The following GALNT18 variants were observed in gnomAD, a reference collection of about 807,000 sequenced individuals.
GALNT18 encodes the protein GalNAc-transferase 18.
GALNT18 carries 44 observed loss-of-function variants against 69.5 expected under a neutral mutation model. That is an observed-to-expected ratio of 0.63 (90% CI 0.50 to 0.81). The LOEUF (loss-of-function observed/expected upper bound fraction) is 0.81, where lower values mean the gene tolerates loss of function less well. GALNT18 is among the 40% of genes least tolerant of loss of function. The pLI, the probability that GALNT18 is intolerant of heterozygous loss-of-function variation, is 0.00. For missense variants in GALNT18, 715 were observed against 810.0 expected, an observed-to-expected ratio of 0.88 and a Z score of 1.42; for synonymous variants, 364 against 318.2, an observed-to-expected ratio of 1.14 and a Z score of -1.53.
At chr11:11,422,218 A>G (rs1270663469) in intron 3 of GALNT18, among the ~76,000 whole-genome samples, 1 of 152,260 alleles carries the variant, frequency 6.6e-6, no homozygotes, top group Non-Finnish European at 1.5e-5. Flanking sequence ...AGCTTGGGAA[A>G]GTGCTGCTGG....
chr11:11,452,442 G>A (rs570869760), intron 1 of GALNT18, among the ~76,000 whole-genome samples: 4 of 152,208 alleles, frequency 2.6e-5, no homozygotes, highest in African/African-American at 7.2e-5. Flanking sequence ...GCTGAAGCCC[G>A]CACAAAGCCC....
chr11:11,482,066 G>A (rs554352847), intron 1 of GALNT18, among the ~76,000 whole-genome samples: 5 of 152,282 alleles, frequency 3.3e-5, no homozygotes, highest in African/African-American at 1.2e-4. Flanking sequence ...ACTGGGCTAC[G>A]GGCCTCCTGA....
chr11:11,375,032 C>A (rs72853190), intron 5 of GALNT18, among the ~76,000 whole-genome samples: 2 of 152,166 alleles, frequency 1.3e-5, no homozygotes, highest in South Asian at 2.1e-4. Context: ...AAATTTCTCA[C>A]GTGGATTTTC....
chr11:11,522,987 G>A (rs891535991), intron 1 of GALNT18, among the ~76,000 whole-genome samples: 1 of 152,214 alleles, frequency 6.6e-6, no homozygotes, highest in African/African-American at 2.4e-5. Flanking sequence ...TAAAGTAAGA[G>A]ACTGAGCGCA....
chr11:11,362,339 C>T (rs941217377), intron 6 of GALNT18, among the ~76,000 whole-genome samples: 7 of 151,792 alleles, frequency 4.6e-5, no homozygotes, highest in African/African-American at 7.3e-5. Context: ...AGAAAAAACA[C>T]GAAAAAAGCA....
At chr11:11,520,737 G>A (rs1027436483) in intron 1 of GALNT18, among the ~76,000 whole-genome samples, 1 of 152,192 alleles carries the variant, frequency 6.6e-6, no homozygotes, top group Non-Finnish European at 1.5e-5. Context: ...AGATGGGGTG[G>A]CCTGCACAGC....
At chr11:11,310,562 A>T (rs11021780) in intron 9 of GALNT18, among the ~76,000 whole-genome samples, 2 of 151,962 alleles carry the variant, frequency 1.3e-5, no homozygotes, top group Non-Finnish European at 2.9e-5. Context: ...TCTTTTAAAA[A>T]GTGTCCTTCA....
At chr11:11,512,470 C>T (rs1328653416) in intron 1 of GALNT18, among the ~76,000 whole-genome samples, 3 of 152,230 alleles carry the variant, frequency 2.0e-5, no homozygotes, top group Non-Finnish European at 2.9e-5. Flanking sequence ...ATTCTTTATT[C>T]TGAGTGCGGC....
chr11:11,508,095 A>T (rs72865491), intron 1 of GALNT18, among the ~76,000 whole-genome samples: 3 of 152,174 alleles, frequency 2.0e-5, no homozygotes, highest in Non-Finnish European at 4.4e-5. Context: ...CCATGTTTAA[A>T]CTTTCCCAAT....
intron 3 of GALNT18, among the ~76,000 whole-genome samples, chr11:11,410,723 G>A (rs1189080435): frequency 2.0e-5 from 3 of 152,144 alleles, no homozygotes; most frequent in African/African-American, 7.2e-5. Context: ...TTAGTTGAAC[G>A]ATGGCTGTCT....
chr11:11,435,726 G>T lies in GALNT18; in HGVS notation c.429-2939C>A, dbSNP rs1409640027. Among the ~76,000 whole-genome samples the T allele has an allele frequency of 6.6e-6, 1 of 152,106 alleles. No homozygotes were observed. The highest frequency in any genetic ancestry group is 1.5e-5 in the Non-Finnish European group (1 of 68,020). ...ACGGCCTACATTTTGAGTGTCTGCC[G>T]CTGATGTCAGACTGCTCCTTTTTCT... On this transcript the variant is annotated intron_variant, in intron 2 of 10. Coordinates refer to ENST00000227756, the MANE Select transcript of GALNT18 (RefSeq NM_198516.3). The surrounding 1 kb of genome is among the most constrained non-coding windows in gnomAD (Gnocchi z 4.4).
rs1240172063 is a variant in GALNT18, at chr11:11,470,919, A to G, written c.236-21983T>C. Among the ~76,000 whole-genome samples the G allele has an allele frequency of 6.6e-6, 1 of 152,108 alleles. No individual in the cohort carries two copies. Among genetic ancestry groups the G allele is most frequent in the East Asian group, 1.9e-4 (1 of 5,188 alleles). On this transcript the variant is annotated intron_variant, in intron 1 of 10. Transcript: ENST00000227756. This position sits in a 1 kb window ranked among gnomAD's most constrained non-coding sequence, Gnocchi z 4.8. ...CCCCTCCTAAAAACCTTTGCCTGAG[A>G]ATCAAACGTCCTGCCAAATGGCTTC...
intron 6 of GALNT18, chr11:11,352,748 C>A: frequency 1.9e-6 from 3 of 1,614,142 alleles, no homozygotes; most frequent in Admixed American, 1.7e-5. Flanking sequence ...ACGTCTGGTA[C>A]AATTGCTTGA....
In GALNT18 at chr11:11,340,539, C is replaced by T. The variant is rs1330115412; in HGVS notation, c.1278+280G>A. Among the ~76,000 whole-genome samples, 1 of 152,190 alleles carries T rather than the reference C, an allele frequency of 6.6e-6. No individual in the cohort carries two copies. The highest frequency in any genetic ancestry group is 6.5e-5 in the Admixed American group (1 of 15,286). On this transcript the variant is annotated intron_variant, in intron 7 of 10. Coordinates refer to ENST00000227756, the MANE Select transcript of GALNT18 (RefSeq NM_198516.3). The surrounding 1 kb of genome is among the most constrained non-coding windows in gnomAD (Gnocchi z 4.2). Reference sequence around the variant, plus strand: ...CCTGGGAGCATGAAGGAAACTTGAGCTACCTGTCCAACTTTCTCATTTAAA... The same window carrying T: ...CCTGGGAGCATGAAGGAAACTTGAGTTACCTGTCCAACTTTCTCATTTAAA...
intron 6 of GALNT18, among the ~76,000 whole-genome samples, chr11:11,351,725 G>A (rs1170629843): frequency 6.6e-6 from 1 of 151,252 alleles, no homozygotes; most frequent in African/African-American, 2.4e-5. Flanking sequence ...GAATGACAAT[G>A]AGCTTAAATG....
rs1305755810 is a variant in GALNT18 at position 11,614,844 on chromosome 11, T to C, written c.235+6515A>G. Among the ~76,000 whole-genome samples the C allele has an allele frequency of 6.6e-6, 1 of 152,212 alleles. No homozygotes were observed. The highest frequency in any genetic ancestry group is 6.5e-5 in the Admixed American group (1 of 15,286). On this transcript the variant is annotated intron_variant, in intron 1 of 10. Transcript: ENST00000227756. This position sits in a 1 kb window ranked among gnomAD's most constrained non-coding sequence, Gnocchi z 5.6. ...TATCAAGGGAAAATAACAATTTATG[T>C]CAAGTGAGTGGGAAAGAATGTGGAA...
chr11:11,276,193 CCTCT>C (rs369592232), intron 10 of GALNT18, among the ~76,000 whole-genome samples: 3 of 152,148 alleles, frequency 2.0e-5, no homozygotes, highest in African/African-American at 7.2e-5. Flanking sequence ...TTGCTTGTGT[CCTCT>C]CTCATGTCCT....
At chr11:11,453,858 C>T (rs1440975274) in intron 1 of GALNT18, among the ~76,000 whole-genome samples, 2 of 152,162 alleles carry the variant, frequency 1.3e-5, no homozygotes, top group Admixed American at 6.5e-5. Context: ...TATAAATTAC[C>T]CAGTCTCACT....
At chr11:11,294,977 CA>C (rs1309661215) in intron 9 of GALNT18, among the ~76,000 whole-genome samples, 1 of 152,124 alleles carries the variant, frequency 6.6e-6, no homozygotes, top group Non-Finnish European at 1.5e-5. Flanking sequence ...TTGACATGTT[CA>C]AAAATTCTCA....
Sources: gnomAD v4.1 joint callset for allele counts (sites outside exome capture counted in the v4.1 genomes callset) on GRCh38, gnomAD v4.1.1 for gene constraint, Gnocchi (gnomAD v3.1) non-coding constraint, MANE v1.5 for transcripts, NCBI Gene and HGNC (gene_info 2026-07-23, HGNC 2026-07-21) for gene names.